FARS2: variants seen among roughly 807,000 people sequenced by gnomAD.
FARS2 encodes the protein phenylalanyl-tRNA synthetase 2, mitochondrial.
FARS2 carries 40 observed loss-of-function variants against 46.4 expected under a neutral mutation model. That is an observed-to-expected ratio of 0.86 (90% CI 0.67 to 1.12). The LOEUF is 1.12. Ranked by LOEUF, FARS2 falls within the 50% of genes most tolerant of loss-of-function variation. FARS2 has a pLI of 0.00. For synonymous variants in FARS2, 234 were observed against 214.9 expected (o/e 1.09, Z -0.78); for missense variants, 513 against 567.9 (o/e 0.90, Z 0.98).
intron 6 of FARS2, among the ~76,000 whole-genome samples, chr6:5,710,086 A>C (rs1319265418): frequency 6.6e-6 from 1 of 152,220 alleles, no homozygotes; most frequent in Non-Finnish European, 1.5e-5. Context: ...CCTGCCCAGC[A>C]GCCCTCCCTG....
chr6:5,522,585 A>G (rs1336984746), intron 4 of FARS2, among the ~76,000 whole-genome samples: 1 of 152,150 alleles, frequency 6.6e-6, no homozygotes, highest in Non-Finnish European at 1.5e-5. Flanking sequence ...GGCTTTGCCA[A>G]CCAATATCTT....
At chr6:5,714,753 G>A (rs530777666) in intron 6 of FARS2, among the ~76,000 whole-genome samples, 11 of 152,076 alleles carry the variant, frequency 7.2e-5, no homozygotes, top group African/African-American at 2.4e-4. Context: ...GGCCAGGCGC[G>A]GTGGCTCATG....
chr6:5,407,810 T>C (rs1200419734), intron 3 of FARS2, among the ~76,000 whole-genome samples: 2 of 152,212 alleles, frequency 1.3e-5, no homozygotes, highest in Non-Finnish European at 2.9e-5. Flanking sequence ...TTTGCTTTCA[T>C]GATAAAAGAA....
intron 1 of FARS2, among the ~76,000 whole-genome samples, chr6:5,313,440 G>A (rs935331192): frequency 2.0e-5 from 3 of 152,136 alleles, no homozygotes; most frequent in African/African-American, 7.2e-5. Context: ...CTGATTCCCG[G>A]CTGTATTCCC....
At chr6:5,467,790 A>G (rs1043586820) in intron 4 of FARS2, among the ~76,000 whole-genome samples, 1 of 152,214 alleles carries the variant, frequency 6.6e-6, no homozygotes, top group African/African-American at 2.4e-5. Flanking sequence ...GATGATTTCT[A>G]AGATGACTTA....
At chr6:5,687,648 G>C (rs988665012) in intron 6 of FARS2, among the ~76,000 whole-genome samples, 1 of 152,162 alleles carries the variant, frequency 6.6e-6, no homozygotes, top group African/African-American at 2.4e-5. Context: ...CTCCAGCTTT[G>C]TTCTTTTGGT....
intron 4 of FARS2, among the ~76,000 whole-genome samples, chr6:5,460,607 A>G (rs527800600): frequency 3.3e-5 from 5 of 152,148 alleles, no homozygotes; most frequent in African/African-American, 1.2e-4. Flanking sequence ...GTGACTATTC[A>G]CTTCAAGAAC....
chr6:5,517,902 G>A (rs143719855), intron 4 of FARS2, among the ~76,000 whole-genome samples: 18 of 152,256 alleles, frequency 1.2e-4, no homozygotes, highest in Non-Finnish European at 2.5e-4. Context: ...GTAAGTCCCC[G>A]CCTTGGCCTG....
intron 4 of FARS2, among the ~76,000 whole-genome samples, chr6:5,534,722 C>T (rs186253026): frequency 3.9e-4 from 59 of 152,214 alleles, no homozygotes; most frequent in African/African-American, 6.5e-4. Context: ...TTATGAACAT[C>T]GGTGTGCAAG....
chr6:5,661,404 G>A (rs915592710), intron 6 of FARS2, among the ~76,000 whole-genome samples: 3 of 152,226 alleles, frequency 2.0e-5, no homozygotes, highest in Admixed American at 6.5e-5. Flanking sequence ...TGAAACTGAA[G>A]TATGGAGAAG....
intron 4 of FARS2, among the ~76,000 whole-genome samples, chr6:5,466,359 A>G (rs1765514180): frequency 6.6e-6 from 1 of 152,070 alleles, no homozygotes; most frequent in Non-Finnish European, 1.5e-5. Context: ...CTCCGGTGCC[A>G]TTGTCATGCC....
chr6:5,766,112 G>C (rs1338279017), intron 6 of FARS2, among the ~76,000 whole-genome samples: 2 of 152,194 alleles, frequency 1.3e-5, no homozygotes, highest in Admixed American at 1.3e-4. Flanking sequence ...TGGGCAATCT[G>C]GTTTACTTTG....
chr6:5,311,193 G>C lies in FARS2; in HGVS notation c.-22+49533G>C, dbSNP rs1561949172. Among the ~76,000 whole-genome samples, 1 of 152,198 alleles carries C rather than the reference G, an allele frequency of 6.6e-6. No individual in the cohort carries two copies. The highest frequency in any genetic ancestry group is 1.5e-5 in the Non-Finnish European group (1 of 68,042). Reference sequence around the variant, plus strand: ...GAGGATTTGTATGTGCTGTCAGAGAGGGAATTCCAGTGCATTTTGTTATTA... The same window carrying C: ...GAGGATTTGTATGTGCTGTCAGAGACGGAATTCCAGTGCATTTTGTTATTA... On this transcript the variant is annotated intron_variant, in intron 1 of 6. Transcript: ENST00000274680. This position sits in a 1 kb window ranked among gnomAD's most constrained non-coding sequence, Gnocchi z 4.1.
chr6:5,572,976 G>C (rs114005071), intron 5 of FARS2, among the ~76,000 whole-genome samples: 1 of 152,222 alleles, frequency 6.6e-6, no homozygotes, highest in African/African-American at 2.4e-5. Flanking sequence ...ATTACTTAAG[G>C]AATAGATCTT....
At chr6:5,528,717 A>G (rs181725160) in intron 4 of FARS2, among the ~76,000 whole-genome samples, 6 of 152,284 alleles carry the variant, frequency 3.9e-5, no homozygotes, top group Admixed American at 3.3e-4. Context: ...CAAGCAAACC[A>G]GTTTGGAGCA....
chr6:5,359,578 G>C (rs993603839), intron 1 of FARS2, among the ~76,000 whole-genome samples: 2 of 152,176 alleles, frequency 1.3e-5, no homozygotes, highest in Non-Finnish European at 1.5e-5. Context: ...CAGTTGCCAA[G>C]TGCTTGTATA....
At chr6:5,634,907 T>C (rs757760614) in intron 6 of FARS2, among the ~76,000 whole-genome samples, 15 of 152,212 alleles carry the variant, frequency 9.9e-5, no homozygotes, top group Non-Finnish European at 1.9e-4. Context: ...TTGCAGTTGC[T>C]ATACAATGTA....
At chr6:5,524,656 C>A (rs919495845) in intron 4 of FARS2, among the ~76,000 whole-genome samples, 3 of 152,214 alleles carry the variant, frequency 2.0e-5, no homozygotes, top group Non-Finnish European at 4.4e-5. Flanking sequence ...TTAGGCCTTA[C>A]AGTAGCTCTA....
At chr6:5,468,206 A>G (rs1765617548) in intron 4 of FARS2, among the ~76,000 whole-genome samples, 1 of 152,206 alleles carries the variant, frequency 6.6e-6, no homozygotes, top group Non-Finnish European at 1.5e-5. Flanking sequence ...ATCAAAGCCC[A>G]TGATTTTCTA....
Sources: gnomAD v4.1 joint callset for allele counts (sites outside exome capture counted in the v4.1 genomes callset) on GRCh38, gnomAD v4.1.1 for gene constraint, Gnocchi (gnomAD v3.1) non-coding constraint, MANE v1.5 for transcripts, NCBI Gene and HGNC (gene_info 2026-07-23, HGNC 2026-07-21) for gene names.